The following IPO7 variants were observed in gnomAD, a reference collection of about 807,000 sequenced individuals.
The protein encoded by IPO7 is importin-7.
Under a neutral mutation model 136.4 loss-of-function variants are expected in IPO7, and 13 were observed. The ratio of observed to expected loss-of-function variants is 0.10; its 90% CI spans 0.06 to 0.15. IPO7 has a LOEUF of 0.15. IPO7 is among the 10% of genes least tolerant of loss of function. The pLI is 1.00. For missense variants in IPO7, 857 were observed against 1,240.6 expected (o/e 0.69, Z 4.65); for synonymous variants, 403 against 404.4 (o/e 1.00, Z 0.04).
At chr11:9,435,356 GT>G (rs1156743104) in intron 19 of IPO7, among the ~76,000 whole-genome samples, 1 of 152,212 alleles carries the variant, frequency 6.6e-6, no homozygotes, top group East Asian at 1.9e-4. Flanking sequence ...GGATAGAGAT[GT>G]TTTATAAAGG....
intron 6 of IPO7, 111 bp downstream of exon 6, chr11:9,417,259 G>T: frequency 2.0e-6 from 1 of 509,388 alleles, no homozygotes. Flanking sequence ...ATAATATGGT[G>T]ATGTATTTTT....
At chr11:9,397,341 A>ATATATATATATATATATAT (rs1554952648) in intron 1 of IPO7, among the ~76,000 whole-genome samples, 1 of 10,762 alleles carries the variant, frequency 9.3e-5, no homozygotes, top group Non-Finnish European at 1.8e-4. Context: ...TTTAAAAAAA[A>ATATATATATATATATATAT]ATATATATAT....
intron 1 of IPO7, among the ~76,000 whole-genome samples, chr11:9,391,618 G>GGCAT (rs1402282321): frequency 2.6e-5 from 4 of 152,058 alleles, no homozygotes; most frequent in Non-Finnish European, 5.9e-5. Flanking sequence ...GAGGCAGAAT[G>GGCAT]GCATGAACCT....
At chr11:9,403,185 C>G in intron 1 of IPO7, 105 bp from the exon 2 acceptor site, 1 of 761,136 alleles carries the variant, frequency 1.3e-6, no homozygotes, top group Non-Finnish European at 2.3e-6. Flanking sequence ...TATGAAGAGC[C>G]TTTTGTGCAA....
chr11:9,424,762 A>G (rs973732014), intron 10 of IPO7, 152 bp from the exon 11 acceptor site: 5 of 569,886 alleles, frequency 8.8e-6, no homozygotes, highest in East Asian at 3.2e-5. Flanking sequence ...AAAGCATTCA[A>G]TTTGTACAGA....
intron 4 of IPO7, 75 bp downstream of exon 4, chr11:9,410,161 T>A: frequency 2.0e-6 from 2 of 982,918 alleles, no homozygotes; most frequent in South Asian, 2.6e-5. Flanking sequence ...AATTTGAACA[T>A]GTAAAATTAT....
At chr11:9,411,335 A>G (rs1854965629) in intron 4 of IPO7, among the ~76,000 whole-genome samples, 1 of 152,174 alleles carries the variant, frequency 6.6e-6, no homozygotes, top group Non-Finnish European at 1.5e-5. Flanking sequence ...TTTACAGAGA[A>G]ATTGGAATTT....
chr11:9,432,514 T>C (rs915577920), intron 16 of IPO7, among the ~76,000 whole-genome samples: 2 of 152,230 alleles, frequency 1.3e-5, no homozygotes, highest in Admixed American at 6.5e-5. Flanking sequence ...AAACTGTTTT[T>C]GTATTCTGCC....
rs1191367600 is a variant in IPO7, at chr11:9,437,026, AG to A, written c.2268+662del. On this transcript the variant is annotated intron_variant, in intron 20 of 24. Coordinates refer to ENST00000379719, the MANE Select transcript of IPO7 (RefSeq NM_006391.3). ...CTGCCTCCTGAGTAGATGGGATTAT[AG>A]GTGCCTGCCACCACACCTGGCTAAT... 1.3e-4 allele frequency among the ~76,000 whole-genome samples: 19 copies of A among 148,408 alleles called. No individual in the cohort carries two copies. The Admixed American group carries it at 1.3e-3, about 10-fold the overall frequency.
In IPO7 at chr11:9,447,214, A is replaced by G. The variant is rs555991690; in HGVS notation, c.*2020A>G. On this transcript the variant is annotated 3_prime_UTR_variant, in exon 25 of 25. Coordinates refer to ENST00000379719, the MANE Select transcript of IPO7 (RefSeq NM_006391.3). ...TTCACATTATTGTTAATGGAAAATC[A>G]TATCTAATAAAGGTTTTAGTTATTC... The G allele has an allele frequency of 3.3e-5, 5 of 152,320 alleles. No individual in the cohort carries two copies. The highest frequency in any genetic ancestry group is 7.2e-5 in the African/African-American group (3 of 41,576). 9.4% of individuals were successfully genotyped at this position (152,320 alleles called of 1,614,324 possible).
chr11:9,418,065 T>C (rs1855067278), intron 6 of IPO7, among the ~76,000 whole-genome samples: 1 of 150,486 alleles, frequency 6.6e-6, no homozygotes, highest in African/African-American at 2.4e-5. Flanking sequence ...CTGAATACGC[T>C]GTTTTGTTTT....
At chr11:9,402,315 G>T (rs546172938) in intron 1 of IPO7, among the ~76,000 whole-genome samples, 26 of 143,570 alleles carry the variant, frequency 1.8e-4, no homozygotes, top group Non-Finnish European at 3.3e-4. Flanking sequence ...CAGAAGAATC[G>T]CTTGAACCCA....
chr11:9,401,272 A>G (rs188527098), intron 1 of IPO7, among the ~76,000 whole-genome samples: 30 of 152,280 alleles, frequency 2.0e-4, no homozygotes, highest in Non-Finnish European at 1.5e-5. Flanking sequence ...AGATGACAGT[A>G]TAAGTGGTGG....
intron 3 of IPO7, 101 bp from the exon 4 acceptor site, chr11:9,409,827 T>C: frequency 1.2e-6 from 1 of 862,478 alleles, no homozygotes; most frequent in South Asian, 2.7e-5. Flanking sequence ...CTGGGTTATT[T>C]TGAAATTAGA....
chr11:9,436,431 C>T (rs896112070), intron 20 of IPO7, 65 bp downstream of exon 20: 1 of 1,101,832 alleles, frequency 9.1e-7, no homozygotes. Context: ...TTTCTTTCTT[C>T]ATTTTTTGGC....
At chr11:9,421,586 C>G (rs1323455041) in intron 8 of IPO7, among the ~76,000 whole-genome samples, 18 of 151,020 alleles carry the variant, frequency 1.2e-4, no homozygotes. Flanking sequence ...TGAGATCACG[C>G]CACTGCACTC....
chr11:9,408,775 G>T (rs1302284417), intron 3 of IPO7, 136 bp downstream of exon 3: 5 of 514,810 alleles, frequency 9.7e-6, no homozygotes, highest in East Asian at 7.8e-5. Context: ...GCAGTGGCAC[G>T]ATCCTTGCTC....
chr11:9,442,655 C>T (rs550697454), intron 24 of IPO7, among the ~76,000 whole-genome samples: 7 of 152,038 alleles, frequency 4.6e-5, no homozygotes, highest in South Asian at 4.1e-4. Context: ...CCTCATGACC[C>T]GCCCGCCTCG....
chr11:9,423,231 G>A, intron 9 of IPO7, 91 bp downstream of exon 9: 1 of 817,322 alleles, frequency 1.2e-6, no homozygotes, highest in Non-Finnish European at 1.9e-6. Context: ...TGTTTGTTGA[G>A]TTGTGTTACT....
Sources: allele counts gnomAD v4.1 joint callset (sites outside exome capture counted in the v4.1 genomes callset), GRCh38; gene constraint gnomAD v4.1.1; transcripts MANE v1.5; gene names NCBI Gene and HGNC (gene_info 2026-07-23, HGNC 2026-07-21).